The following F3 variants were observed in gnomAD, a reference collection of about 807,000 sequenced individuals.
F3 encodes the protein coagulation factor III, tissue factor.
F3 carries 18 observed loss-of-function variants against 33.5 expected under a neutral mutation model. The observed-to-expected ratio is 0.54, with a 90% CI of 0.37 to 0.80. F3 has a LOEUF of 0.80. F3 is among the 30% of genes least tolerant of loss of function. The pLI, the probability that F3 is intolerant of heterozygous loss-of-function variation, is 0.00. For synonymous variants in F3, 147 were observed against 140.7 expected (o/e 1.05, Z -0.32); for missense variants, 353 against 362.1 (o/e 0.97, Z 0.20).
At chr1:94,534,992 G>C (rs763648955) in intron 3 of F3, among the ~76,000 whole-genome samples, 17 of 151,974 alleles carry the variant, frequency 1.1e-4, no homozygotes, top group Non-Finnish European at 2.2e-4. Context: ...AAGCACCTGG[G>C]GGTCTGGAGG....
At chr1:94,532,630 C>T (rs1440170906) in intron 4 of F3, 150 bp from the exon 5 acceptor site, 8 of 841,418 alleles carry the variant, frequency 9.5e-6, no homozygotes, top group Non-Finnish European at 1.3e-5. Flanking sequence ...CTTCGCTAAT[C>T]AGTTTCCCTT....
chr1:94,532,278 C>G (rs1229242724), intron 5 of F3, 43 bp downstream of exon 5: 1 of 1,601,126 alleles, frequency 6.2e-7, no homozygotes. Flanking sequence ...AAGTCACCCA[C>G]AGCACCCATA....
chr1:94,532,321 C>T lies in F3; in HGVS notation c.751G>A (p.Glu251Lys). The T allele has an allele frequency of 6.2e-7, 1 of 1,613,798 alleles. No individual in the cohort carries two copies. The highest frequency in any genetic ancestry group is 8.5e-7 in the Non-Finnish European group (1 of 1,179,888). Residue 251 changes from glutamate to lysine, a missense_variant and splice_region_variant, in exon 5 of 6, where the codon GAA (glutamate) becomes AAA (lysine). Transcript: ENST00000334047. The part of the protein sequence containing the change: ...CMGQEKGEFR[E>K]IFYIIGAVVF... Reference sequence around the variant, plus strand: ...GCAAATGGCTGGCAGAGCCACTCACCTCTGAATTCCCCTTTCTCCTGGCCC... The same window carrying T: ...GCAAATGGCTGGCAGAGCCACTCACTTCTGAATTCCCCTTTCTCCTGGCCC...
At chr1:94,531,176 A>G (rs1651413121) in intron 5 of F3, among the ~76,000 whole-genome samples, 1 of 152,226 alleles carries the variant, frequency 6.6e-6, no homozygotes, top group Non-Finnish European at 1.5e-5. Context: ...GTGCAGGACC[A>G]GAGGTAAAGA....
chr1:94,530,214 G>C lies in F3; in HGVS notation c.*246C>G, dbSNP rs1651378655. The C allele has an allele frequency of 7.5e-6, 3 of 400,846 alleles. No homozygotes were observed. Among genetic ancestry groups the C allele is most frequent in the Non-Finnish European group, 1.3e-5 (3 of 224,362 alleles). 24.8% of individuals were successfully genotyped at this position (400,846 alleles called of 1,614,324 possible). On this transcript the variant is annotated 3_prime_UTR_variant, in exon 6 of 6. Coordinates refer to ENST00000334047, the MANE Select transcript of F3 (RefSeq NM_001993.5). ...AATCTAAAGCATGTTATGTGCAAAA[G>C]GTGCCATGGTGTTAAAAATTAAAAC...
At chr1:94,533,704 T>TTCCTCC (rs750476033) in intron 3 of F3, among the ~76,000 whole-genome samples, 2 of 151,498 alleles carry the variant, frequency 1.3e-5, no homozygotes, top group African/African-American at 2.4e-5. Flanking sequence ...GCCCCTGCTC[T>TTCCTCC]TCCTCCTCCT....
chr1:94,531,873 T>C (rs997079390), intron 5 of F3, among the ~76,000 whole-genome samples: 18 of 152,208 alleles, frequency 1.2e-4, no homozygotes, highest in African/African-American at 4.3e-4. Flanking sequence ...TGGGTTAGAC[T>C]CTACAGCCTC....
chr1:94,540,195 G>A (rs1369490101), intron 2 of F3, 62 bp downstream of exon 2: 32 of 1,024,424 alleles, frequency 3.1e-5, no homozygotes, highest in Non-Finnish European at 4.4e-5. Flanking sequence ...AGACATTCTT[G>A]TTCAGCATAG....
chr1:94,541,451 C>T, intron 1 of F3, 86 bp downstream of exon 1: 1 of 1,114,336 alleles, frequency 9.0e-7, no homozygotes, highest in Non-Finnish European at 1.2e-6. Context: ...CCCCGGGGAA[C>T]CAGGGCGAGC....
intron 5 of F3, 141 bp from the exon 6 acceptor site, chr1:94,530,737 AT>A: frequency 1.0e-6 from 1 of 960,448 alleles, no homozygotes; most frequent in Non-Finnish European, 1.5e-6. Context: ...CCACACTTAC[AT>A]TAGGAAAGAA....
At position 94,540,559 on chromosome 1, in the gene F3, T is replaced by A. The variant is rs1350496437; in HGVS notation, c.101-191A>T. The A allele has an allele frequency of 1.3e-5, 7 of 532,200 alleles. No homozygotes were observed. In the East Asian group the frequency reaches 2.2e-4, roughly 17 times the overall value. The allele number at this position is 532,200 out of a possible 1,614,324, so 33.0% of individuals were successfully genotyped here. On this transcript the variant is annotated intron_variant, in intron 1 of 5. Transcript: ENST00000334047. ...TTTTTCTAGACCTAGAATTTCTTCA[T>A]GACAAGATTCACCTTGTAATCCCAG... is the stretch of plus-strand genomic sequence containing the variant.
chr1:94,532,879 G>GTCACA, intron 4 of F3: 2 of 585,968 alleles, frequency 3.4e-6, no homozygotes, highest in South Asian at 4.3e-5. Context: ...GTCTCCGAGG[G>GTCACA]GGCCCTGCCC....
At chr1:94,539,708 G>A (rs2101094529) in intron 2 of F3, among the ~76,000 whole-genome samples, 1 of 152,268 alleles carries the variant, frequency 6.6e-6, no homozygotes, top group African/African-American at 2.4e-5. Context: ...GGTGCAGACA[G>A]CAGAGTATTT....
At chr1:94,531,144 G>A (rs561772332) in intron 5 of F3, among the ~76,000 whole-genome samples, 2 of 152,302 alleles carry the variant, frequency 1.3e-5, no homozygotes, top group South Asian at 4.1e-4. Flanking sequence ...ACTGAAGGCT[G>A]TGGGTAGGAT....
chr1:94,541,462 C>T, intron 1 of F3, 75 bp downstream of exon 1: 1 of 1,197,008 alleles, frequency 8.4e-7, no homozygotes. Flanking sequence ...CAGGGCGAGC[C>T]CGCTGCCAGC....
chr1:94,540,445 C>A, intron 1 of F3, 77 bp from the exon 2 acceptor site: 1 of 854,044 alleles, frequency 1.2e-6, no homozygotes. Flanking sequence ...AAACACCTTC[C>A]CACCTGACAT....
At chr1:94,539,132 G>GTTA (rs1651696505) in intron 2 of F3, among the ~76,000 whole-genome samples, 1 of 152,146 alleles carries the variant, frequency 6.6e-6, no homozygotes, top group Non-Finnish European at 1.5e-5. Context: ...CTTCAGGCCT[G>GTTA]TATCAGAGAA....
At chr1:94,532,948 C>T in intron 4 of F3, 142 bp downstream of exon 4, 1 of 799,196 alleles carries the variant, frequency 1.3e-6, no homozygotes, top group Non-Finnish European at 2.0e-6. Context: ...CACCCCTCCC[C>T]ACAGTGCGCG....
Position 94,529,391 on chromosome 1 carries a change from CTACA to C in F3, c.*1065_*1068del, listed in dbSNP as rs1651347118. ...ATATATACAAATAGAACAATATTAC[CTACA>C]TAAATAGAAAATCCCCATATAGAAA... On this transcript the variant is annotated 3_prime_UTR_variant, in exon 6 of 6. Coordinates refer to ENST00000334047, the MANE Select transcript of F3 (RefSeq NM_001993.5). 2.0e-5 allele frequency: 3 copies of C among 152,098 alleles called. No individual in the cohort carries two copies. Among genetic ancestry groups the C allele is most frequent in the Admixed American group, 6.6e-5 (1 of 15,236 alleles). The allele number at this position is 152,098 out of a possible 1,614,324, so 9.4% of individuals were successfully genotyped here.
Sources: gnomAD v4.1 joint callset for allele counts (sites outside exome capture counted in the v4.1 genomes callset) on GRCh38, gnomAD v4.1.1 for gene constraint, MANE v1.5 for transcripts, NCBI Gene and HGNC (gene_info 2026-07-23, HGNC 2026-07-21) for gene names.